ABCB1: variants seen among roughly 807,000 people sequenced by gnomAD.
ABCB1 encodes ATP binding cassette subfamily B member 1.
In ABCB1, 69 loss-of-function variants were observed where a neutral mutation model predicts 142.0. The observed-to-expected ratio is 0.49, with a 90% CI of 0.40 to 0.59. ABCB1 has a LOEUF of 0.59. Ranked by LOEUF, ABCB1 falls within the 20% of genes least tolerant of loss-of-function variation. ABCB1 has a pLI of 0.00. For synonymous variants in ABCB1, 532 were observed against 539.2 expected (o/e 0.99, Z 0.18); for missense variants, 1,326 against 1,554.7 (o/e 0.85, Z 2.47).
chr7:87,653,058 G>T (rs781391651), intron 1 of ABCB1, among the ~76,000 whole-genome samples: 2 of 151,928 alleles, frequency 1.3e-5, no homozygotes, highest in Non-Finnish European at 2.9e-5. Context: ...TACTCTAAAA[G>T]CCCCGTTATT....
At chr7:87,632,624 C>T (rs1322149954) in intron 1 of ABCB1, among the ~76,000 whole-genome samples, 1 of 152,094 alleles carries the variant, frequency 6.6e-6, no homozygotes, top group Non-Finnish European at 1.5e-5. Flanking sequence ...TTTAGAACTT[C>T]AGAAAATTAA....
intron 1 of ABCB1, among the ~76,000 whole-genome samples, chr7:87,607,247 T>C (rs905231138): frequency 4.6e-5 from 7 of 152,100 alleles, no homozygotes; most frequent in African/African-American, 1.7e-4. Context: ...GCCCTGGAGG[T>C]ATTTTTCATA....
At chr7:87,570,424 A>G (rs968020102) in intron 4 of ABCB1, among the ~76,000 whole-genome samples, 3 of 152,186 alleles carry the variant, frequency 2.0e-5, no homozygotes, top group Admixed American at 1.3e-4. Flanking sequence ...ATATACACCA[A>G]CTCAGTGATG....
At chr7:87,561,630 T>G (rs906105166) in intron 7 of ABCB1, among the ~76,000 whole-genome samples, 1 of 152,086 alleles carries the variant, frequency 6.6e-6, no homozygotes, top group Non-Finnish European at 1.5e-5. Flanking sequence ...TCAATTGCAA[T>G]GGGAAAAGGG....
chr7:87,601,503 G>A (rs942066581), upstream of ABCB1, among the ~76,000 whole-genome samples: 3 of 152,184 alleles, frequency 2.0e-5, no homozygotes, highest in Non-Finnish European at 4.4e-5. Context: ...ATCAATGCCC[G>A]TGTTTTTCCA....
intron 3 of ABCB1, 145 bp from the exon 4 acceptor site, chr7:87,585,825 G>A: frequency 1.3e-6 from 1 of 777,106 alleles, no homozygotes; most frequent in Non-Finnish European, 2.1e-6. Context: ...CTCTACCTTT[G>A]CTAAATTATT....
intron 1 of ABCB1, among the ~76,000 whole-genome samples, chr7:87,704,262 A>C (rs1829398762): frequency 6.6e-6 from 1 of 152,102 alleles, no homozygotes. Flanking sequence ...TAAGAATTAT[A>C]TCTACATTTC....
intron 3 of ABCB1, among the ~76,000 whole-genome samples, chr7:87,588,719 C>T (rs1818863921): frequency 1.3e-5 from 2 of 152,146 alleles, no homozygotes; most frequent in Non-Finnish European, 2.9e-5. Context: ...AATGGTATTT[C>T]TGTCTTTAGG....
At chr7:87,598,859 T>C (rs1270088583) in intron 2 of ABCB1, among the ~76,000 whole-genome samples, 2 of 152,176 alleles carry the variant, frequency 1.3e-5, no homozygotes, top group Non-Finnish European at 2.9e-5. Context: ...TACCACAAGA[T>C]ACTCCAGGCT....
chr7:87,636,938 G>A (rs1252106857), intron 1 of ABCB1, among the ~76,000 whole-genome samples: 1 of 152,172 alleles, frequency 6.6e-6, no homozygotes, highest in Non-Finnish European at 1.5e-5. Context: ...GGAAGGGGAA[G>A]TAAACATGTC....
chr7:87,566,816 C>G lies in ABCB1; in HGVS notation c.499G>C (p.Asp167His). 6.2e-7 allele frequency: 1 copy of G among 1,614,186 alleles called. No individual in the cohort carries two copies. The highest frequency in any genetic ancestry group is 8.5e-7 in the Non-Finnish European group (1 of 1,180,040). Residue 167 changes from aspartate (D) to histidine (H), a missense_variant, in exon 6 of 28, where the codon GAT becomes CAT. Transcript: ENST00000622132. The stretch of plus-strand genomic sequence containing the variant: ...AGTCGGGTGTTAAGCTCCCCAACAT[C>G]GTGCACATCAAACCAGCCTATCTCC... ...RQEIGWFDVH[D>H]VGELNTRLTD... is the part of the protein sequence containing the mutation.
Position 87,523,107 on chromosome 7 carries a change from C to CT in ABCB1, c.2686-2232dup, listed in dbSNP as rs1260931033. 7.7e-3 allele frequency among the ~76,000 whole-genome samples: 1,144 copies of CT among 149,056 alleles called. 15 individuals carry two copies. Among genetic ancestry groups the CT allele is most frequent in the African/African-American group, 0.026 (1,076 of 40,684 alleles). ...AAATTAATAAGTCAAAGAAAACTAA[C>CT]TTTTTTTTTTAGAAACGGGGTCTTG... On this transcript the variant is annotated intron_variant, in intron 21 of 27. Coordinates refer to ENST00000622132, the MANE Select transcript of ABCB1 (RefSeq NM_001348946.2).
intron 1 of ABCB1, among the ~76,000 whole-genome samples, chr7:87,675,454 G>T (rs1468177794): frequency 6.6e-6 from 1 of 152,014 alleles, no homozygotes; most frequent in African/African-American, 2.4e-5. Context: ...TTCAAACTAT[G>T]TTACAATGCT....
chr7:87,513,301 T>TA (rs879167198), intron 25 of ABCB1, among the ~76,000 whole-genome samples: 6 of 152,322 alleles, frequency 3.9e-5, no homozygotes, highest in Admixed American at 3.9e-4. Context: ...CTTTATTAAA[T>TA]ACTTATCTAC....
chr7:87,570,273 T>TA, intron 4 of ABCB1, 50 bp from the exon 5 acceptor site: 1 of 1,518,184 alleles, frequency 6.6e-7, no homozygotes. Context: ...TAGTCTCCAT[T>TA]AAAAATAAAC....
At chr7:87,532,529 C>T (rs958173211) in intron 20 of ABCB1, among the ~76,000 whole-genome samples, 8 of 152,132 alleles carry the variant, frequency 5.3e-5, no homozygotes, top group African/African-American at 1.9e-4. Flanking sequence ...TATTAGCATG[C>T]TCAAAGACAC....
intron 19 of ABCB1, 121 bp from the exon 20 acceptor site, chr7:87,536,662 G>A: frequency 2.5e-6 from 2 of 797,024 alleles, no homozygotes; most frequent in South Asian, 1.5e-5. Context: ...TACTCAGGAT[G>A]TGACATTCAA....
chr7:87,561,883 G>A (rs140773154), intron 7 of ABCB1, among the ~76,000 whole-genome samples: 1 of 152,282 alleles, frequency 6.6e-6, no homozygotes, highest in African/African-American at 2.4e-5. Context: ...CTACTCAGGA[G>A]GCTGAGGTGG....
intron 1 of ABCB1, among the ~76,000 whole-genome samples, chr7:87,632,994 A>C (rs1351566934): frequency 6.6e-6 from 1 of 152,194 alleles, no homozygotes; most frequent in Non-Finnish European, 1.5e-5. Context: ...CGGTGGAGAC[A>C]AGTGATGATT....
Sources: gnomAD v4.1 joint callset for allele counts (sites outside exome capture counted in the v4.1 genomes callset) on GRCh38, gnomAD v4.1.1 for gene constraint, MANE v1.5 for transcripts, NCBI Gene and HGNC (gene_info 2026-07-23, HGNC 2026-07-21) for gene names.